The following ANPEP variants were observed in gnomAD, a reference collection of about 807,000 sequenced individuals.
ANPEP encodes the protein aminopeptidase N.
A neutral mutation model predicts 114.6 loss-of-function variants in ANPEP; 70 were observed. The observed-to-expected ratio is 0.61, with a 90% CI of 0.50 to 0.75. The LOEUF (loss-of-function observed/expected upper bound fraction) is 0.75, where lower values mean the gene tolerates loss of function less well. Among genes scored for constraint, ANPEP ranks in the 30% least tolerant of loss-of-function variants. ANPEP has a pLI of 0.00. For missense variants in ANPEP, 1,184 were observed against 1,259.5 expected, an observed-to-expected ratio of 0.94 and a Z score of 0.91; for synonymous variants, 548 against 522.3, an observed-to-expected ratio of 1.05 and a Z score of -0.67.
At position 89,805,461 on chromosome 15, in the gene ANPEP, AC is replaced by A; in HGVS notation, c.616del (p.Val206TrpfsTer24). The A allele has an allele frequency of 6.2e-7, 1 of 1,613,908 alleles. No individual in the cohort carries two copies. Among genetic ancestry groups the A allele is most frequent in the Non-Finnish European group, 8.5e-7 (1 of 1,179,940 alleles). Reference sequence around the variant, plus strand: ...AGCCTGCATCTGTGTAGTGGCCACCACCCTGCCCCAACAGGAAGGTTAGAGG... The same window carrying A: ...AGCCTGCATCTGTGTAGTGGCCACCACCTGCCCCAACAGGAAGGTTAGAGG... ...SEYMEGNVRKVVATTQMQAAD... is the reference protein window; with the variant it reads ...SEYMEGNVRKXVATTQMQAAD... On this transcript the variant is annotated frameshift_variant and splice_region_variant, in exon 3 of 21. Transcript: ENST00000300060. LOFTEE classifies it high-confidence loss of function.
In ANPEP at chr15:89,805,343, G is replaced by A. The variant is rs1211908326; in HGVS notation, c.735C>T (p.Ala245=). The change falls in exon 3 of 21, where the codon GCC becomes GCT. Residue 245 remains alanine (A), a synonymous_variant. Coordinates refer to ENST00000300060, the MANE Select transcript of ANPEP (RefSeq NM_001150.3). ...ITLIHPKDLT[A]LSNMLPKGPS... Reference sequence around the variant, plus strand: ...CACCTTTGGGAAGCATGTTGGACAGGGCTGTCAGGTCCTTGGGGTGGATAA... The same window carrying A: ...CACCTTTGGGAAGCATGTTGGACAGAGCTGTCAGGTCCTTGGGGTGGATAA... 6.2e-7 allele frequency: 1 copy of A among 1,613,992 alleles called. No homozygotes were observed. Among genetic ancestry groups the A allele is most frequent in the Non-Finnish European group, 8.5e-7 (1 of 1,179,988 alleles).
chr15:89,812,080 T>C (rs1894825760), intron 1 of ANPEP, among the ~76,000 whole-genome samples: 1 of 152,186 alleles, frequency 6.6e-6, no homozygotes, highest in Non-Finnish European at 1.5e-5. Flanking sequence ...AGAGGCTCCT[T>C]GGTCTCAGAT....
chr15:89,800,397 G>A (rs1894563008), intron 12 of ANPEP, among the ~76,000 whole-genome samples: 1 of 152,074 alleles, frequency 6.6e-6, no homozygotes, highest in African/African-American at 2.4e-5. Flanking sequence ...ACTCAGCACA[G>A]CACTAGAATG....
chr15:89,801,221 G>A lies in ANPEP; in HGVS notation c.1743-34C>T, dbSNP rs749237719. 19 of 1,610,640 alleles carry A rather than the reference G, an allele frequency of 1.2e-5. No homozygotes were observed. The South Asian group carries it at 2.0e-4, about 17-fold the overall frequency. ...AAAGATCCAGAGGTGGTGAGAGATGGCGGTGTGGTCACTGCCAGTGAGGAG... is the reference window on the plus strand; with the variant it reads ...AAAGATCCAGAGGTGGTGAGAGATGACGGTGTGGTCACTGCCAGTGAGGAG... On this transcript the variant is annotated intron_variant, in intron 11 of 20. Transcript: ENST00000300060.
intron 20 of ANPEP, among the ~76,000 whole-genome samples, chr15:89,787,255 C>T (rs1359237870): frequency 1.3e-5 from 2 of 152,044 alleles, no homozygotes; most frequent in African/African-American, 2.4e-5. Context: ...CCATCTTGGC[C>T]AGGCTGGTCT....
intron 1 of ANPEP, among the ~76,000 whole-genome samples, chr15:89,808,369 C>T (rs1222172776): frequency 6.6e-6 from 1 of 152,248 alleles, no homozygotes; most frequent in Non-Finnish European, 1.5e-5. Flanking sequence ...CCCCAGAACT[C>T]AGCGTGGTTT....
intron 10 of ANPEP, 80 bp from the exon 11 acceptor site, chr15:89,801,687 G>A (rs1894594960): frequency 3.3e-6 from 5 of 1,521,586 alleles, no homozygotes; most frequent in Admixed American, 1.9e-5. Context: ...GCAGATTCTC[G>A]CCTCGACCCC....
intron 18 of ANPEP, 130 bp downstream of exon 18, chr15:89,792,030 T>C: frequency 8.9e-7 from 1 of 1,125,290 alleles, no homozygotes; most frequent in South Asian, 1.6e-5. Flanking sequence ...CCGGTTACTT[T>C]GGAAATACTG....
In ANPEP at chr15:89,792,269, C is replaced by T. The variant is rs777473328; in HGVS notation, c.2419G>A (p.Glu807Lys). 1.2e-6 allele frequency: 2 copies of T among 1,614,242 alleles called. No homozygotes were observed. Among genetic ancestry groups the T allele is most frequent in the Non-Finnish European group, 1.7e-6 (2 of 1,180,050 alleles). ...TGCTCCCAGGCGAAGTCCCACTCCT[C>T]CTCCCCGCCCTGGGCGATAGCGTTG... is the stretch of plus-strand genomic sequence containing the variant. ...YCNAIAQGGE[E>K]EWDFAWEQFR... The change falls in exon 18 of 21, where the codon GAG (glutamate) becomes AAG (lysine). Residue 807 changes from glutamate (E) to lysine (K), a missense_variant. By Grantham distance (56) the Glu-to-Lys change is moderately conservative (BLOSUM62 1). Coordinates refer to ENST00000300060, the MANE Select transcript of ANPEP (RefSeq NM_001150.3).
chr15:89,803,735 G>A lies in ANPEP; in HGVS notation c.1349C>T (p.Ala450Val). 1.2e-6 allele frequency: 2 copies of A among 1,612,104 alleles called. No individual in the cohort carries two copies. Among genetic ancestry groups the A allele is most frequent in the South Asian group, 2.2e-5 (2 of 90,954 alleles). Residue 450 changes from alanine to valine, a missense_variant, in exon 8 of 21, where the codon GCC becomes GTC. Physicochemically the swap from Ala to Val is moderately conservative, Grantham distance 64. Transcript: ENST00000300060. The surrounding 1 kb of genome is among the most constrained non-coding windows in gnomAD (Gnocchi z 4.2). The stretch of plus-strand genomic sequence containing the variant: ...GGGTGTGGACAGCGGGTGGGAGGAG[G>A]CCAGTGCATCCACTGCCATCACGCG... ...VYRVMAVDAL[A>V]SSHPLSTPAS...
At chr15:89,787,336 T>C (rs889264893) in intron 20 of ANPEP, among the ~76,000 whole-genome samples, 8 of 152,194 alleles carry the variant, frequency 5.3e-5, no homozygotes, top group African/African-American at 1.7e-4. Flanking sequence ...TGAGCCGCCA[T>C]GCCTGGCCAA....
chr15:89,810,814 C>T (rs12908389), intron 1 of ANPEP, among the ~76,000 whole-genome samples: 1 of 152,226 alleles, frequency 6.6e-6, no homozygotes, highest in Non-Finnish European at 1.5e-5. Flanking sequence ...CAAACGCTCT[C>T]CCCTGTCACT....
chr15:89,803,810 A>G lies in ANPEP; in HGVS notation c.1294-20T>C, dbSNP rs1894648142. 2 of 1,610,418 alleles carry G rather than the reference A, an allele frequency of 1.2e-6. No individual in the cohort carries two copies. Among genetic ancestry groups the G allele is most frequent in the Non-Finnish European group, 1.7e-6 (2 of 1,177,344 alleles). ...GTCTTTCTGCAAATTCCCCAGGGCC[A>G]TCAGGAGACTGGCCTGGTAGCGGTG... is the stretch of plus-strand genomic sequence containing the variant. On this transcript the variant is annotated intron_variant, in intron 7 of 20. Transcript: ENST00000300060. The surrounding 1 kb of genome is among the most constrained non-coding windows in gnomAD (Gnocchi z 4.2).
rs1342898428 is a variant in ANPEP, at chr15:89,804,211, GCC to G, written c.1179+40_1179+41del. On this transcript the variant is annotated intron_variant, in intron 6 of 20. Transcript: ENST00000300060. ...TGGACTTGCGCCGTCTCCTCTCGGA[GCC>G]CCTGTTTCCTTCTCCGCACTCCCCG... 13 of 1,610,316 alleles carry G rather than the reference GCC, an allele frequency of 8.1e-6. 1 individual carries two copies. The highest frequency in any genetic ancestry group is 2.7e-5 in the African/African-American group (2 of 74,930).
At position 89,806,808 on chromosome 15, in the gene ANPEP, T is replaced by C; in HGVS notation, c.-223-2A>G. ...TGTGGAGCTGGGCTCGGGGGGTGCC[T>C]GCTGGAAGCAAACAGTGTCTGGTTA... On this transcript the variant is annotated splice_acceptor_variant, in intron 1 of 20. Coordinates refer to the ANPEP transcript ENST00000559874. LOFTEE classifies it low-confidence loss of function (5UTR_SPLICE). This position sits in a 1 kb window ranked among gnomAD's most constrained non-coding sequence, Gnocchi z 5.7. 1.6e-6 allele frequency: 1 copy of C among 628,280 alleles called. No homozygotes were observed. The highest frequency in any genetic ancestry group is 2.6e-6 in the Non-Finnish European group (1 of 388,094). 38.9% of individuals were successfully genotyped at this position (628,280 alleles called of 1,614,324 possible).
chr15:89,796,312 A>G (rs147751038), intron 15 of ANPEP, among the ~76,000 whole-genome samples: 1 of 152,232 alleles, frequency 6.6e-6, no homozygotes, highest in Non-Finnish European at 1.5e-5. Context: ...GGCTCAGCAG[A>G]GAATACTATT....
rs748148047 is a variant in ANPEP, at chr15:89,805,955, C to T, written c.614+15G>A. 3 of 1,571,560 alleles carry T rather than the reference C, an allele frequency of 1.9e-6. No homozygotes were observed. The highest frequency in any genetic ancestry group is 4.5e-5 in the East Asian group (2 of 44,444). On this transcript the variant is annotated intron_variant, in intron 2 of 20. Coordinates refer to ENST00000300060, the MANE Select transcript of ANPEP (RefSeq NM_001150.3). ...CCTCGGATCCACCCCACCGGGCAGC[C>T]CAGCCGGAACTCACTTTCTGACATT...
intron 4 of ANPEP, 170 bp downstream of exon 4, chr15:89,804,908 A>T (rs2141809862): frequency 1.0e-6 from 1 of 1,002,572 alleles, no homozygotes; most frequent in Non-Finnish European, 1.5e-6. Flanking sequence ...TTCATTTTTC[A>T]GGTGCAGAAA....
chr15:89,814,405 C>G (rs1038302748), intron 1 of ANPEP, among the ~76,000 whole-genome samples: 1 of 151,916 alleles, frequency 6.6e-6, no homozygotes, highest in Non-Finnish European at 1.5e-5. Context: ...ACAGAGTGGC[C>G]GCGGCCGAGC....
Sources: gnomAD v4.1 joint callset for allele counts (sites outside exome capture counted in the v4.1 genomes callset) on GRCh38, gnomAD v4.1.1 for gene constraint, Gnocchi (gnomAD v3.1) non-coding constraint, MANE v1.5 for transcripts, NCBI Gene and HGNC (gene_info 2026-07-23, HGNC 2026-07-21) for gene names.